The following TEPSIN variants were observed in gnomAD, a reference collection of about 807,000 sequenced individuals.
The protein encoded by TEPSIN is TEPSIN adaptor related protein complex 4 accessory protein.
TEPSIN carries 50 observed loss-of-function variants against 48.5 expected under a neutral mutation model. The observed-to-expected ratio is 1.03, with a 90% CI of 0.82 to 1.31. TEPSIN has a LOEUF of 1.31. Ranked by LOEUF, TEPSIN falls within the 50% of genes most tolerant of loss-of-function variation. The probability of loss-of-function intolerance (pLI) is 0.00; values close to 1 mark genes in which losing one functional copy is unlikely to be tolerated. For missense variants in TEPSIN, 838 were observed against 815.9 expected (o/e 1.03, Z -0.33); for synonymous variants, 392 against 358.8 (o/e 1.09, Z -1.05).
rs1358499316 is a variant in TEPSIN, at chr17:81,233,948, C to A, written c.375+33G>T. On this transcript the variant is annotated intron_variant, in intron 5 of 12. Transcript: ENST00000637944. The surrounding 1 kb of genome is among the most constrained non-coding windows in gnomAD (Gnocchi z 5.8). ...TCCCACCCCTCTACAGGAGGAGGGG[C>A]ACCCCGCAGAGCGACACTGCTCCTG... is the stretch of plus-strand genomic sequence containing the variant. The A allele has an allele frequency of 2.5e-6, 4 of 1,581,924 alleles. No individual in the cohort carries two copies. The highest frequency in any genetic ancestry group is 2.6e-6 in the Non-Finnish European group (3 of 1,169,432).
intron 1 of TEPSIN, chr17:81,238,477 C>T (rs1598365302): frequency 2.2e-6 from 1 of 449,544 alleles, no homozygotes; most frequent in Non-Finnish European, 2.9e-6. Flanking sequence ...CTCGCCCCGG[C>T]CTCTACTTCT....
Position 81,230,991 on chromosome 17 carries a change from A to T in TEPSIN, c.1099-313T>A. ...TCCTGGACAGACCCCAGCGAGAAGC[A>T]CGTGACCTGCTGCCCCGATTGCCTT... On this transcript the variant is annotated intron_variant, in intron 11 of 12. Coordinates refer to ENST00000637944, the MANE Select transcript of TEPSIN (RefSeq NM_001363764.2). The surrounding 1 kb of genome is among the most constrained non-coding windows in gnomAD (Gnocchi z 4.2). 2.0e-6 allele frequency: 1 copy of T among 502,214 alleles called. No individual in the cohort carries two copies. Among genetic ancestry groups the T allele is most frequent in the Non-Finnish European group, 3.5e-6 (1 of 282,896 alleles). 31.1% of individuals were successfully genotyped at this position (502,214 alleles called of 1,614,324 possible). A position where few individuals can be genotyped will look rare whatever the true frequency, so the allele number is the denominator to read the frequency against.
At position 81,233,770 on chromosome 17, in the gene TEPSIN, C is replaced by A; in HGVS notation, c.376-54G>T. On this transcript the variant is annotated intron_variant, in intron 5 of 12. Transcript: ENST00000637944. The surrounding 1 kb of genome is among the most constrained non-coding windows in gnomAD (Gnocchi z 5.8). ...TCCTCACACCAGGGCCTGCTGTACT[C>A]ACCCTGCCACCCATATCAGCTCCGT... 1.3e-6 allele frequency: 2 copies of A among 1,503,950 alleles called. No homozygotes were observed. The highest frequency in any genetic ancestry group is 1.8e-6 in the Non-Finnish European group (2 of 1,114,596). The allele number at this position is 1,503,950 out of a possible 1,614,324, so 93.2% of individuals were successfully genotyped here.
In TEPSIN at chr17:81,231,874, C is replaced by T. The variant is rs1307952211; in HGVS notation, c.878G>A (p.Ser293Asn). The T allele has an allele frequency of 1.9e-6, 3 of 1,613,594 alleles. No homozygotes were observed. The South Asian group carries it at 3.3e-5, about 18-fold the overall frequency. Residue 293 changes from serine (S) to asparagine (N), a missense_variant, in exon 9 of 13, where the codon AGC (serine) becomes AAC (asparagine). Coordinates refer to ENST00000637944, the MANE Select transcript of TEPSIN (RefSeq NM_001363764.2). ...TTCTGCCAGGTCACCCGGCTCCCGG[C>T]TGGCCCCTGAATGGCTGTCGCTGCC... The part of the protein sequence containing the change: ...HSGSDSHSGA[S>N]REPGDLAERV...
rs1234859596 is a variant in TEPSIN, at chr17:81,234,329, C to A, written c.308-281G>T. ...ACCCCTGGTGCCTGAGCGGGTGTGG[C>A]CTCCCCGAAGCCCACTCTCCCTGCC... On this transcript the variant is annotated intron_variant, in intron 4 of 12. Transcript: ENST00000637944. The surrounding 1 kb of genome is among the most constrained non-coding windows in gnomAD (Gnocchi z 5.4). 3.0e-6 allele frequency: 1 copy of A among 331,374 alleles called. No homozygotes were observed. The highest frequency in any genetic ancestry group is 5.5e-6 in the Non-Finnish European group (1 of 182,838). 20.5% of individuals were successfully genotyped at this position (331,374 alleles called of 1,614,324 possible).
rs748809606 is a variant in TEPSIN at position 81,229,072 on chromosome 17, G to C, written c.1638C>G (p.Ala546=). ...DSLFAGMELV[A]CPRLVGAGAA... is the part of the protein sequence containing the mutation. Reference sequence around the variant, plus strand: ...CCCCAGCCCCCACCAGGCGGGGACAGGCCACCAGCTCCATGCCAGCAAACA... The same window carrying C: ...CCCCAGCCCCCACCAGGCGGGGACACGCCACCAGCTCCATGCCAGCAAACA... Residue 546 remains alanine, a synonymous_variant, in exon 13 of 13, where the codon GCC becomes GCG. Coordinates refer to ENST00000637944, the MANE Select transcript of TEPSIN (RefSeq NM_001363764.2). The C allele has an allele frequency of 1.1e-5, 17 of 1,613,604 alleles. No individual in the cohort carries two copies. The highest frequency in any genetic ancestry group is 1.4e-5 in the Non-Finnish European group (17 of 1,180,000).
rs761087574 is a variant in TEPSIN, at chr17:81,229,023, C to G, written c.1687G>C (p.Asp563His). ...GATGTTTGGGGGGCGCGGGGAGCAT[C>G]AGGACAGGACTCTCCCGCAGCAGCC... Reference protein sequence around the residue: ...AGAAAGESCPDAPRAPQTSSQ... With the variant: ...AGAAAGESCPHAPRAPQTSSQ... The change falls in exon 13 of 13, where the codon GAT (aspartate) becomes CAT (histidine). Residue 563 changes from aspartate (D) to histidine (H), a missense_variant. By Grantham distance (81) the Asp-to-His change is moderately conservative (BLOSUM62 -1). Coordinates refer to ENST00000637944, the MANE Select transcript of TEPSIN (RefSeq NM_001363764.2). 2.5e-6 allele frequency: 4 copies of G among 1,613,318 alleles called. No individual in the cohort carries two copies. In the African/African-American group the frequency reaches 5.3e-5, roughly 22 times the overall value.
rs748406265 is a variant in TEPSIN at position 81,231,700 on chromosome 17, G to A, written c.906-9C>T. The A allele has an allele frequency of 3.1e-6, 5 of 1,610,486 alleles. No homozygotes were observed. Among genetic ancestry groups the A allele is most frequent in the South Asian group, 2.2e-5 (2 of 90,738 alleles). ...GGGCCACCACCTCGACCCTGCCAGGGGGAATGGCCGGGTCAAGGGTGAGTG... is the reference window on the plus strand; with the variant it reads ...GGGCCACCACCTCGACCCTGCCAGGAGGAATGGCCGGGTCAAGGGTGAGTG... On this transcript the variant is annotated splice_polypyrimidine_tract_variant and intron_variant, in intron 9 of 12. Transcript: ENST00000637944.
chr17:81,232,989 G>A (rs11150777), intron 7 of TEPSIN: 99,482 of 236,518 alleles, frequency 0.42, 21,872 homozygotes, highest in Non-Finnish European at 0.47. Flanking sequence ...GCAGGGCACA[G>A]CTGGGCTGGG....
intron 4 of TEPSIN, 78 bp downstream of exon 4, chr17:81,236,630 T>A: frequency 7.0e-7 from 1 of 1,429,492 alleles, no homozygotes; most frequent in Non-Finnish European, 9.6e-7. Context: ...GTCTTCCTTC[T>A]CAAACCTGGA....
Position 81,232,500 on chromosome 17 carries a change from A to G in TEPSIN, c.545T>C (p.Phe182Ser), listed in dbSNP as rs1231825155. 33 of 1,532,046 alleles carry G rather than the reference A, an allele frequency of 2.2e-5. No individual in the cohort carries two copies. The highest frequency in any genetic ancestry group is 2.7e-5 in the Non-Finnish European group (31 of 1,144,906). The allele number at this position is 1,532,046 out of a possible 1,614,324, so 94.9% of individuals were successfully genotyped here. Reference sequence around the variant, plus strand: ...TGCGGCCTTCTGGATGGTGGAGAGGAAGGCTTCGCCTGCCGAGCCTGTACC... The same window carrying G: ...TGCGGCCTTCTGGATGGTGGAGAGGGAGGCTTCGCCTGCCGAGCCTGTACC... ...HGRTGSAGEA[F>S]LSTIQKAAEV... Residue 182 changes from phenylalanine to serine, a missense_variant, in exon 8 of 13, where the codon TTC (phenylalanine) becomes TCC (serine). Physicochemically the swap from Phe to Ser is radical, Grantham distance 155. Coordinates refer to ENST00000637944, the MANE Select transcript of TEPSIN (RefSeq NM_001363764.2).
chr17:81,232,105 C>T (rs2062626883), intron 8 of TEPSIN, 84 bp from the exon 9 acceptor site: 21 of 1,498,730 alleles, frequency 1.4e-5, no homozygotes, highest in Non-Finnish European at 1.8e-5. Flanking sequence ...GACCAGGAGG[C>T]CTCGGGGGCT....
intron 11 of TEPSIN, 102 bp downstream of exon 11, chr17:81,231,296 C>G: frequency 8.3e-7 from 1 of 1,209,164 alleles, no homozygotes; most frequent in Non-Finnish European, 1.1e-6. Context: ...TGTTCACACA[C>G]AGGTGTGCAC....
Position 81,229,314 on chromosome 17 carries a change from G to A in TEPSIN, c.1396C>T (p.Pro466Ser). The change falls in exon 13 of 13, where the codon CCG (proline) becomes TCG (serine). Residue 466 changes from proline to serine, a missense_variant. Pro to Ser is a moderately conservative substitution (Grantham distance 74). Transcript: ENST00000637944. The part of the protein sequence containing the change: ...QVFLQPLSST[P>S]VSSRSPAPSS... ...GGAGCAGGGCTCCGGGACGAGACCGGGGTTGAACTCAGAGGCTGCAGGAAG... is the reference window on the plus strand; with the variant it reads ...GGAGCAGGGCTCCGGGACGAGACCGAGGTTGAACTCAGAGGCTGCAGGAAG... The A allele has an allele frequency of 6.4e-7, 1 of 1,572,120 alleles. No individual in the cohort carries two copies. The highest frequency in any genetic ancestry group is 8.6e-7 in the Non-Finnish European group (1 of 1,158,788).
At chr17:81,236,569 G>A in intron 4 of TEPSIN, 139 bp downstream of exon 4, 2 of 897,654 alleles carry the variant, frequency 2.2e-6, no homozygotes, top group Non-Finnish European at 3.4e-6. Flanking sequence ...GCCAGGATCA[G>A]CAAGGCGGGG....
At chr17:81,235,231 G>C (rs572739510) in intron 4 of TEPSIN, among the ~76,000 whole-genome samples, 1 of 152,208 alleles carries the variant, frequency 6.6e-6, no homozygotes, top group African/African-American at 2.4e-5. Context: ...GACCGCAATC[G>C]GCTGGGGGTG....
chr17:81,230,626 T>C lies in TEPSIN; in HGVS notation c.1151A>G (p.Glu384Gly). The C allele has an allele frequency of 6.2e-7, 1 of 1,600,586 alleles. No individual in the cohort carries two copies. The highest frequency in any genetic ancestry group is 8.5e-7 in the Non-Finnish European group (1 of 1,173,028). ...CGGCCGGGTGCGGAGGAGGATGTGC[T>C]CCTGGGGGAGGAGGTCGCTGCTCCC... ...SLGSSDLLPQ[E>G]HILLRTRPWL... Residue 384 changes from glutamate (E) to glycine (G), a missense_variant, in exon 12 of 13, where the codon GAG (glutamate) becomes GGG (glycine). Coordinates refer to ENST00000637944, the MANE Select transcript of TEPSIN (RefSeq NM_001363764.2). The surrounding 1 kb of genome is among the most constrained non-coding windows in gnomAD (Gnocchi z 4.2).
Position 81,238,077 on chromosome 17 carries a change from A to T in TEPSIN, c.49-618T>A, listed in dbSNP as rs113464487. ...TTGCATTATTCAGTATCAGGACAGA[A>T]TAGAGTTCAAGAGTATTTAACAGGA... On this transcript the variant is annotated intron_variant, in intron 1 of 12. Coordinates refer to ENST00000637944, the MANE Select transcript of TEPSIN (RefSeq NM_001363764.2). 2.7e-3 allele frequency: 2,685 copies of T among 989,504 alleles called. 56 individuals carry two copies. The African/African-American group carries it at 0.042, about 16-fold the overall frequency. The allele number at this position is 989,504 out of a possible 1,614,324, so 61.3% of individuals were successfully genotyped here.
Position 81,233,193 on chromosome 17 carries a change from C to G in TEPSIN, c.526+239G>C, listed in dbSNP as rs1300840115. ...CCCCTGCCACGGGGCCCAGCCCTGA[C>G]TTCTTGCTCGGCCTGGTTTCTCTCA... On this transcript the variant is annotated intron_variant, in intron 7 of 12. Coordinates refer to ENST00000637944, the MANE Select transcript of TEPSIN (RefSeq NM_001363764.2). This position sits in a 1 kb window ranked among gnomAD's most constrained non-coding sequence, Gnocchi z 5.8. 3.5e-6 allele frequency: 2 copies of G among 579,664 alleles called. No individual in the cohort carries two copies. Among genetic ancestry groups the G allele is most frequent in the African/African-American group, 3.8e-5 (2 of 52,536 alleles). The allele number at this position is 579,664 out of a possible 1,614,324, so 35.9% of individuals were successfully genotyped here. A position where few individuals can be genotyped will look rare whatever the true frequency, so the allele number is the denominator to read the frequency against.
Sources: gnomAD v4.1 joint callset for allele counts (sites outside exome capture counted in the v4.1 genomes callset) on GRCh38, gnomAD v4.1.1 for gene constraint, Gnocchi (gnomAD v3.1) non-coding constraint, MANE v1.5 for transcripts, NCBI Gene and HGNC (gene_info 2026-07-23, HGNC 2026-07-21) for gene names.